Variants in HSPG2 observed in about 807,000 individuals in gnomAD.
The protein encoded by HSPG2 is heparan sulfate proteoglycan 2, also known as basement membrane-specific heparan sulfate proteoglycan core protein.
Under a neutral mutation model 526.6 loss-of-function variants are expected in HSPG2, and 278 were observed. The observed-to-expected ratio is 0.53, with a 90% CI of 0.48 to 0.58. The LOEUF (loss-of-function observed/expected upper bound fraction) is 0.58, where lower values mean the gene tolerates loss of function less well. Among genes scored for constraint, HSPG2 ranks in the 20% least tolerant of loss-of-function variants. The pLI is 0.00. For missense variants in HSPG2, 5,354 were observed against 6,099.5 expected, an observed-to-expected ratio of 0.88 and a Z score of 4.07; for synonymous variants, 2,465 against 2,555.4, an observed-to-expected ratio of 0.96 and a Z score of 1.07.
chr1:21,836,768 G>C, intron 75 of HSPG2, 34 bp downstream of exon 75: 1 of 1,522,774 alleles, frequency 6.6e-7, no homozygotes, highest in Non-Finnish European at 8.8e-7. Flanking sequence ...GGGCTATGCT[G>C]CCCAAGTCCA....
Position 21,865,412 on chromosome 1 carries a change from G to T in HSPG2, c.4315-47C>A. 6.5e-7 allele frequency: 1 copy of T among 1,533,884 alleles called. No homozygotes were observed. The highest frequency in any genetic ancestry group is 9.0e-7 in the Non-Finnish European group (1 of 1,107,804). ...TGGAAGGGGAGCCGAGGGGTCCCTG[G>T]GGTGCCAGGGTGTCCTCCACCAGTC... On this transcript the variant is annotated intron_variant, in intron 34 of 96. Transcript: ENST00000374695. The surrounding 1 kb of genome is among the most constrained non-coding windows in gnomAD (Gnocchi z 5.4).
chr1:21,880,036 T>A, intron 17 of HSPG2, 71 bp downstream of exon 17: 3 of 1,566,760 alleles, frequency 1.9e-6, no homozygotes, highest in Non-Finnish European at 2.6e-6. Flanking sequence ...GCTGAGCTCA[T>A]GAACACAGGG....
intron 55 of HSPG2, 48 bp downstream of exon 55, chr1:21,851,498 C>A: frequency 6.2e-7 from 1 of 1,612,036 alleles, no homozygotes; most frequent in Non-Finnish European, 8.5e-7. Flanking sequence ...CTCCGCCACC[C>A]AGGGACCCGC....
chr1:21,924,453 C>T (rs1390786774), intron 1 of HSPG2, among the ~76,000 whole-genome samples: 5 of 152,150 alleles, frequency 3.3e-5, no homozygotes, highest in Non-Finnish European at 7.3e-5. Flanking sequence ...GAGGTGCCTA[C>T]CACCCTCAGG....
chr1:21,825,538 AC>A (rs1232422795), intron 91 of HSPG2, among the ~76,000 whole-genome samples: 5 of 150,770 alleles, frequency 3.3e-5, no homozygotes, highest in African/African-American at 1.2e-4. Flanking sequence ...GTGGCTCCAC[AC>A]CCCCCCAGCC....
rs543241973 is a variant in HSPG2, at chr1:21,825,821, C to T, written c.12590-1042G>A. Among the ~76,000 whole-genome samples, 395 of 152,132 alleles carry T rather than the reference C, an allele frequency of 2.6e-3. 2 individuals are homozygous for T. Among genetic ancestry groups the T allele is most frequent in the Middle Eastern group, 6.8e-3 (2 of 294 alleles). ...TTATTTTTGAGATGGAGTCTCGCTC[C>T]GTGGCCCAGGCTGGAGTGCAGTGGC... is the stretch of plus-strand genomic sequence containing the variant. On this transcript the variant is annotated intron_variant, in intron 91 of 96. Coordinates refer to ENST00000374695, the MANE Select transcript of HSPG2 (RefSeq NM_005529.7).
rs1642251600 is a variant in HSPG2, at chr1:21,890,209, C to A, written c.414-68G>T. 1.3e-6 allele frequency: 2 copies of A among 1,582,598 alleles called. No individual in the cohort carries two copies. Among genetic ancestry groups the A allele is most frequent in the Non-Finnish European group, 1.7e-6 (2 of 1,153,810 alleles). On this transcript the variant is annotated intron_variant, in intron 5 of 96. Coordinates refer to ENST00000374695, the MANE Select transcript of HSPG2 (RefSeq NM_005529.7). This position sits in a 1 kb window ranked among gnomAD's most constrained non-coding sequence, Gnocchi z 4.1. ...CTGTGTTCTCAGCTCCTCCATGAGGCTCCCGCCCCGACGCTCAGGCCCTGT... is the reference window on the plus strand; with the variant it reads ...CTGTGTTCTCAGCTCCTCCATGAGGATCCCGCCCCGACGCTCAGGCCCTGT...
Position 21,841,925 on chromosome 1 carries a change from C to G in HSPG2, c.9193+77G>C, listed in dbSNP as rs375109511. 345 of 1,585,408 alleles carry G rather than the reference C, an allele frequency of 2.2e-4. 6 individuals carry two copies. In the South Asian group the frequency reaches 3.6e-3, roughly 17 times the overall value. ...AATGTGGGGCGTCCAGACTTCTGCC[C>G]CACCCTTGCACAGTGGGGATGACGG... On this transcript the variant is annotated intron_variant, in intron 69 of 96. Coordinates refer to ENST00000374695, the MANE Select transcript of HSPG2 (RefSeq NM_005529.7).
intron 91 of HSPG2, 151 bp downstream of exon 91, chr1:21,827,712 G>C (rs1230764649): frequency 6.7e-6 from 6 of 899,486 alleles, no homozygotes; most frequent in Non-Finnish European, 1.1e-5. Flanking sequence ...GCAGGCCCTA[G>C]CTCCACATGG....
intron 86 of HSPG2, 66 bp from the exon 87 acceptor site, chr1:21,829,670 C>T: frequency 2.2e-6 from 3 of 1,364,814 alleles, no homozygotes; most frequent in Non-Finnish European, 3.0e-6. Flanking sequence ...TCCAGCTACT[C>T]TGCCTTCCTC....
In HSPG2 at chr1:21,831,780, C is replaced by T; in HGVS notation, c.11224G>A (p.Gly3742Ser). Residue 3742 changes from glycine to serine, a missense_variant, in exon 82 of 97, where the codon GGC (glycine) becomes AGC (serine). Coordinates refer to ENST00000374695, the MANE Select transcript of HSPG2 (RefSeq NM_005529.7). ...GTGGGATGGCGGATGGTGGCCATGC[C>T]TGAGCCTGCATCGAACCTGCTCCGT... ...RPEFRFDAGS[G>S]MATIRHPTPL... 1 of 1,602,202 alleles carries T rather than the reference C, an allele frequency of 6.2e-7. No individual in the cohort carries two copies. Among genetic ancestry groups the T allele is most frequent in the Non-Finnish European group, 8.5e-7 (1 of 1,171,944 alleles).
intron 3 of HSPG2, among the ~76,000 whole-genome samples, chr1:21,894,026 G>A (rs1395860596): frequency 6.6e-6 from 1 of 152,018 alleles, no homozygotes; most frequent in Non-Finnish European, 1.5e-5. Flanking sequence ...GAGGGCCCAG[G>A]GCAGGGAGGA....
chr1:21,877,689 G>A (rs972661751), intron 21 of HSPG2: 2 of 161,488 alleles, frequency 1.2e-5, no homozygotes, highest in African/African-American at 4.8e-5. Context: ...GTAGAGATGG[G>A]GTTTCACCAT....
rs114851424 is a variant in HSPG2, at chr1:21,840,020, G to A, written c.9514-3C>T. On this transcript the variant is annotated splice_polypyrimidine_tract_variant and splice_region_variant and intron_variant, in intron 71 of 96. Coordinates refer to ENST00000374695, the MANE Select transcript of HSPG2 (RefSeq NM_005529.7). ...TCTGATGGTTTAGCTGATGAAATCT[G>A]GGAGAAAGCAAGGAGGCTGGTTATG... The A allele has an allele frequency of 5.0e-4, 806 of 1,614,092 alleles. 4 individuals carry two copies. In the African/African-American group the frequency reaches 9.1e-3, roughly 18 times the overall value.
Position 21,848,564 on chromosome 1 carries a change from G to T in HSPG2, c.7737+79C>A. On this transcript the variant is annotated intron_variant, in intron 59 of 96. Coordinates refer to ENST00000374695, the MANE Select transcript of HSPG2 (RefSeq NM_005529.7). This position sits in a 1 kb window ranked among gnomAD's most constrained non-coding sequence, Gnocchi z 4.9. ...TTGAATGACTGAATGAGCACAGAGTGAGGTGCTGAGAGTCCCCCCTCTTCC... is the reference window on the plus strand; with the variant it reads ...TTGAATGACTGAATGAGCACAGAGTTAGGTGCTGAGAGTCCCCCCTCTTCC... 6.8e-7 allele frequency: 1 copy of T among 1,469,686 alleles called. No homozygotes were observed. The highest frequency in any genetic ancestry group is 9.5e-7 in the Non-Finnish European group (1 of 1,051,930). The allele number at this position is 1,469,686 out of a possible 1,614,324, so 91.0% of individuals were successfully genotyped here.
chr1:21,935,708 G>A (rs1644471101), intron 1 of HSPG2, among the ~76,000 whole-genome samples: 1 of 152,228 alleles, frequency 6.6e-6, no homozygotes, highest in African/African-American at 2.4e-5. Flanking sequence ...GCTGGGGGAA[G>A]GTCAGGAAAG....
chr1:21,826,483 C>A (rs192048014), intron 91 of HSPG2, among the ~76,000 whole-genome samples: 33 of 152,108 alleles, frequency 2.2e-4, no homozygotes, highest in Non-Finnish European at 4.3e-4. Flanking sequence ...GGATTATAGG[C>A]GTGAGTCACC....
chr1:21,829,706 C>G (rs1557674323), intron 86 of HSPG2, 102 bp from the exon 87 acceptor site: 1 of 1,056,950 alleles, frequency 9.5e-7, no homozygotes, highest in African/African-American at 1.6e-5. Context: ...CCTCACTCTC[C>G]AGGCCCAGAG....
Position 21,839,612 on chromosome 1 carries a change from G to T in HSPG2, c.9710-62C>A. On this transcript the variant is annotated intron_variant, in intron 72 of 96. Coordinates refer to ENST00000374695, the MANE Select transcript of HSPG2 (RefSeq NM_005529.7). The surrounding 1 kb of genome is among the most constrained non-coding windows in gnomAD (Gnocchi z 4.5). The stretch of plus-strand genomic sequence containing the variant: ...GCTACCTCAGGGACCCGCAGAGGGT[G>T]GCCATGGTGAGGAAGGGCCCTGGGT... 1 of 1,583,864 alleles carries T rather than the reference G, an allele frequency of 6.3e-7. No homozygotes were observed. Among genetic ancestry groups the T allele is most frequent in the Non-Finnish European group, 8.6e-7 (1 of 1,159,718 alleles).
Sources: allele counts gnomAD v4.1 joint callset (sites outside exome capture counted in the v4.1 genomes callset), GRCh38; gene constraint gnomAD v4.1.1; non-coding constraint Gnocchi (gnomAD v3.1); transcripts MANE v1.5; gene names NCBI Gene and HGNC (gene_info 2026-07-23, HGNC 2026-07-21).